The following GRM7 variants were observed in gnomAD, a reference collection of about 807,000 sequenced individuals.
GRM7 encodes the protein glutamate metabotropic receptor 7.
Under a neutral mutation model 84.5 loss-of-function variants are expected in GRM7, and 35 were observed. That is an observed-to-expected ratio of 0.41 (90% CI 0.32 to 0.55). The LOEUF is 0.55. Among genes scored for constraint, GRM7 ranks in the 20% least tolerant of loss-of-function variants. GRM7 has a pLI of 0.19. For synonymous variants in GRM7, 487 were observed against 455.1 expected, an observed-to-expected ratio of 1.07 and a Z score of -0.89; for missense variants, 1,003 against 1,194.6, an observed-to-expected ratio of 0.84 and a Z score of 2.36.
chr3:7,720,206 G>A (rs1270002219), intron 9 of GRM7, among the ~76,000 whole-genome samples: 1 of 152,122 alleles, frequency 6.6e-6, no homozygotes, highest in Non-Finnish European at 1.5e-5. Flanking sequence ...ACTTTGACAT[G>A]AGCAGCCTCA....
chr3:7,127,278 T>C (rs1384352538), intron 1 of GRM7, among the ~76,000 whole-genome samples: 3 of 152,206 alleles, frequency 2.0e-5, no homozygotes, highest in Non-Finnish European at 4.4e-5. Context: ...TACTTCTCTT[T>C]GATTTCTAAC....
At chr3:7,125,969 C>T (rs1462403520) in intron 1 of GRM7, among the ~76,000 whole-genome samples, 1 of 152,192 alleles carries the variant, frequency 6.6e-6, no homozygotes, top group African/African-American at 2.4e-5. Flanking sequence ...ACTGAATTGT[C>T]ACCTTCCCCT....
intron 1 of GRM7, among the ~76,000 whole-genome samples, chr3:7,060,628 A>T (rs1470695632): frequency 6.6e-6 from 1 of 151,726 alleles, no homozygotes; most frequent in East Asian, 1.9e-4. Flanking sequence ...ATGTTAAGCC[A>T]CTCAAGTTTG....
intron 4 of GRM7, among the ~76,000 whole-genome samples, chr3:7,384,455 A>G (rs1482118921): frequency 6.6e-6 from 1 of 152,242 alleles, no homozygotes; most frequent in Non-Finnish European, 1.5e-5. Flanking sequence ...CAATAGAAAT[A>G]TAATCCAATA....
intron 1 of GRM7, among the ~76,000 whole-genome samples, chr3:6,901,468 C>T (rs969901661): frequency 4.6e-5 from 7 of 151,722 alleles, no homozygotes; most frequent in Admixed American, 1.3e-4. Context: ...CGTGGTGGTG[C>T]GTGCCTGTAG....
At chr3:7,621,466 G>A (rs1356988301) in intron 8 of GRM7, among the ~76,000 whole-genome samples, 1 of 152,092 alleles carries the variant, frequency 6.6e-6, no homozygotes, top group Non-Finnish European at 1.5e-5. Context: ...GATGAAATTA[G>A]CATCTACCGG....
At chr3:6,945,215 C>T (rs1698023852) in intron 1 of GRM7, among the ~76,000 whole-genome samples, 1 of 151,136 alleles carries the variant, frequency 6.6e-6, no homozygotes, top group African/African-American at 2.4e-5. Flanking sequence ...CTCCCGCCTC[C>T]CCCCACCCCA....
intron 7 of GRM7, among the ~76,000 whole-genome samples, chr3:7,529,256 T>A (rs939686711): frequency 6.6e-6 from 1 of 152,156 alleles, no homozygotes. Context: ...AATTAATACA[T>A]CTCCAGTATG....
At chr3:6,938,699 C>G (rs1697778934) in intron 1 of GRM7, among the ~76,000 whole-genome samples, 1 of 152,086 alleles carries the variant, frequency 6.6e-6, no homozygotes, top group African/African-American at 2.4e-5. Flanking sequence ...TGGAATTTTG[C>G]TTTTTAAAGG....
In GRM7 at chr3:7,240,813, G is replaced by A. The variant is rs186700199; in HGVS notation, c.737-57871G>A. Among the ~76,000 whole-genome samples, 389 of 152,200 alleles carry A rather than the reference G, an allele frequency of 2.6e-3. 4 individuals are homozygous for A. The highest frequency in any genetic ancestry group is 4.0e-3 in the Non-Finnish European group (272 of 68,010). On this transcript the variant is annotated intron_variant, in intron 2 of 9. Transcript: ENST00000357716. ...AATGTTTCAGTCATCTGCTGACCGC[G>A]TATACAGTGATGGTCCCATAAGATT...
intron 1 of GRM7, among the ~76,000 whole-genome samples, chr3:7,050,537 T>C (rs1163953350): frequency 2.0e-5 from 3 of 151,868 alleles, no homozygotes; most frequent in Middle Eastern, 3.2e-3. Context: ...ATGATGTAAT[T>C]GGTCAAGTAG....
chr3:7,142,925 G>A (rs762816337), intron 1 of GRM7, among the ~76,000 whole-genome samples: 1 of 152,060 alleles, frequency 6.6e-6, no homozygotes, highest in Non-Finnish European at 1.5e-5. Context: ...AGAATAATAA[G>A]ATGACAATAT....
At position 7,637,446 on chromosome 3, in the gene GRM7, C is replaced by T. The variant is rs183820268; in HGVS notation, c.2452-42603C>T. Reference sequence around the variant, plus strand: ...ATGTTTTTGTTGTTGTCATTCAGGACGGATCGCAATCCTGAGATGCCAGGC... The same window carrying T: ...ATGTTTTTGTTGTTGTCATTCAGGATGGATCGCAATCCTGAGATGCCAGGC... On this transcript the variant is annotated intron_variant, in intron 8 of 9. Coordinates refer to ENST00000357716, the MANE Select transcript of GRM7 (RefSeq NM_000844.4). 2.9e-3 allele frequency among the ~76,000 whole-genome samples: 444 copies of T among 152,300 alleles called. 7 individuals carry two copies. Among genetic ancestry groups the T allele is most frequent in the Non-Finnish European group, 2.2e-3 (151 of 68,030 alleles).
intron 4 of GRM7, among the ~76,000 whole-genome samples, chr3:7,328,761 G>A (rs569720408): frequency 2.2e-4 from 34 of 151,932 alleles, no homozygotes; most frequent in African/African-American, 8.2e-4. Context: ...AATTTTCCTA[G>A]ACATAGCAAA....
At chr3:6,991,072 G>GCATA (rs773683152) in intron 1 of GRM7, among the ~76,000 whole-genome samples, 92 of 152,008 alleles carry the variant, frequency 6.1e-4, no homozygotes, top group African/African-American at 1.3e-3. Flanking sequence ...CTGTCTTAAT[G>GCATA]CATACATACA....
intron 4 of GRM7, among the ~76,000 whole-genome samples, chr3:7,339,584 G>A (rs10510364): frequency 0.15 from 22,659 of 152,062 alleles, 1,784 homozygotes; most frequent in East Asian, 0.28. Flanking sequence ...ATTAAAGTTG[G>A]CTTAGAGCAA....
intron 4 of GRM7, among the ~76,000 whole-genome samples, chr3:7,339,589 G>T (rs1701558611): frequency 6.6e-6 from 1 of 152,112 alleles, no homozygotes; most frequent in Non-Finnish European, 1.5e-5. Flanking sequence ...AGTTGGCTTA[G>T]AGCAATAGTT....
chr3:6,901,209 A>G (rs1327885961), intron 1 of GRM7, among the ~76,000 whole-genome samples: 2 of 152,346 alleles, frequency 1.3e-5, no homozygotes, highest in Middle Eastern at 3.4e-3. Context: ...TTAATCATAC[A>G]TATTATACAA....
intron 6 of GRM7, among the ~76,000 whole-genome samples, chr3:7,455,277 G>A (rs985764209): frequency 6.6e-6 from 1 of 152,136 alleles, no homozygotes; most frequent in African/African-American, 2.4e-5. Context: ...GACCTAAGTA[G>A]TAATTTTTTT....
Sources: gnomAD v4.1 joint callset for allele counts (sites outside exome capture counted in the v4.1 genomes callset) on GRCh38, gnomAD v4.1.1 for gene constraint, MANE v1.5 for transcripts, NCBI Gene and HGNC (gene_info 2026-07-23, HGNC 2026-07-21) for gene names.